Variants in ALDH1A3 observed in about 807,000 individuals in gnomAD.
The protein encoded by ALDH1A3 is retinaldehyde dehydrogenase 3.
In ALDH1A3, 28 loss-of-function variants were observed where a neutral mutation model predicts 57.5. The observed-to-expected ratio is 0.49, with a 90% confidence interval of 0.36 to 0.67. The LOEUF (loss-of-function observed/expected upper bound fraction) is 0.67, where lower values mean the gene tolerates loss of function less well. Among genes scored for constraint, ALDH1A3 ranks in the 30% least tolerant of loss-of-function variants. The pLI is 0.00. For missense variants in ALDH1A3, 507 were observed against 669.4 expected (o/e 0.76, Z 2.68); for synonymous variants, 281 against 264.8 (o/e 1.06, Z -0.59).
intron 7 of ALDH1A3, 82 bp from the exon 8 acceptor site, chr15:100,898,001 A>G (rs1156786025): frequency 1.4e-6 from 2 of 1,379,788 alleles, no homozygotes; most frequent in East Asian, 4.6e-5. Flanking sequence ...CCCGGGCTTG[A>G]TCAGAATGTT....
At chr15:100,910,283 C>G (rs2041870156) in intron 12 of ALDH1A3, among the ~76,000 whole-genome samples, 1 of 152,230 alleles carries the variant, frequency 6.6e-6, no homozygotes, top group Non-Finnish European at 1.5e-5. Context: ...GGCCATGAAA[C>G]CCCTTTGCAG....
intron 10 of ALDH1A3, 61 bp downstream of exon 10, chr15:100,905,748 TA>T: frequency 6.9e-7 from 1 of 1,446,702 alleles, no homozygotes; most frequent in Non-Finnish European, 9.2e-7. Flanking sequence ...AGTCCTTCCC[TA>T]GGGCCCAGGG....
Position 100,907,861 on chromosome 15 carries a change from T to TA in ALDH1A3, c.1392-547_1392-546insA, listed in dbSNP as rs1258023960. The stretch of plus-strand genomic sequence containing the variant: ...CTTTCTTTCTTTTTTTTTTTTTTTT[T>TA]TTTTTGAGATGGAGTCTTGCTCTTT... On this transcript the variant is annotated intron_variant, in intron 11 of 12. Coordinates refer to ENST00000329841, the MANE Select transcript of ALDH1A3 (RefSeq NM_000693.4). Among the ~76,000 whole-genome samples the TA allele has an allele frequency of 2.1e-5, 3 of 142,458 alleles. No homozygotes were observed. The Admixed American group carries it at 2.1e-4, about 10-fold the overall frequency. 93.5% of individuals were successfully genotyped at this position (142,458 alleles called of 152,430 possible).
Position 100,882,476 on chromosome 15 carries a change from A to G in ALDH1A3, c.99+2470A>G, listed in dbSNP as rs75862898. ...GTTTTTATTATCTCTCTTATGAAAA[A>G]TAAAATTCCCCCAAATCTCCTTTTC... On this transcript the variant is annotated intron_variant, in intron 1 of 12. Transcript: ENST00000329841. Among the ~76,000 whole-genome samples, 233 of 152,352 alleles carry G rather than the reference A, an allele frequency of 1.5e-3. 7 individuals are homozygous for G. The East Asian group carries it at 0.043, about 28-fold the overall frequency.
At chr15:100,890,995 C>T (rs898572320) in intron 3 of ALDH1A3, among the ~76,000 whole-genome samples, 1 of 152,214 alleles carries the variant, frequency 6.6e-6, no homozygotes, top group Admixed American at 6.5e-5. Flanking sequence ...AGAACACACA[C>T]CCCAAGCTAG....
In ALDH1A3 at chr15:100,893,687, C is replaced by A. The variant is rs185047601; in HGVS notation, c.538-267C>A. The A allele has an allele frequency of 3.2e-4, 109 of 343,770 alleles. 1 individual carries two copies. The highest frequency in any genetic ancestry group is 3.2e-5 in the Non-Finnish European group (6 of 190,044). The allele number at this position is 343,770 out of a possible 1,614,324, so 21.3% of individuals were successfully genotyped here. A position where few individuals can be genotyped will look rare whatever the true frequency, so the allele number is the denominator to read the frequency against. Reference sequence around the variant, plus strand: ...GCCCATGGAGGCAGGGAGGAGGACACGTCTTCAGCAGATGTTTTAGAGGGA... The same window carrying A: ...GCCCATGGAGGCAGGGAGGAGGACAAGTCTTCAGCAGATGTTTTAGAGGGA... On this transcript the variant is annotated intron_variant, in intron 5 of 12. Coordinates refer to ENST00000329841, the MANE Select transcript of ALDH1A3 (RefSeq NM_000693.4). The surrounding 1 kb of genome is among the most constrained non-coding windows in gnomAD (Gnocchi z 4.8).
chr15:100,900,248 A>T (rs532634168), intron 8 of ALDH1A3, among the ~76,000 whole-genome samples: 1 of 152,356 alleles, frequency 6.6e-6, no homozygotes, highest in South Asian at 2.1e-4. Context: ...GTCCTCTAGA[A>T]AAAGGGGAGG....
intron 2 of ALDH1A3, among the ~76,000 whole-genome samples, chr15:100,886,684 G>T (rs1416417666): frequency 6.6e-6 from 1 of 152,196 alleles, no homozygotes; most frequent in African/African-American, 2.4e-5. Flanking sequence ...CTGAGAAAAA[G>T]AGACAGTGAC....
chr15:100,914,645 A>C, intron 12 of ALDH1A3, 56 bp from the exon 13 acceptor site: 6 of 1,543,856 alleles, frequency 3.9e-6, no homozygotes, highest in Admixed American at 3.5e-5. Flanking sequence ...AACAGTTTCT[A>C]CACAATGGCT....
At chr15:100,900,128 T>C (rs993936150) in intron 8 of ALDH1A3, among the ~76,000 whole-genome samples, 10 of 152,228 alleles carry the variant, frequency 6.6e-5, no homozygotes, top group African/African-American at 2.4e-4. Flanking sequence ...GATATTATCT[T>C]ACTTAATAAG....
Position 100,894,155 on chromosome 15 carries a change from C to T in ALDH1A3, c.666+73C>T, listed in dbSNP as rs570017504. On this transcript the variant is annotated intron_variant, in intron 6 of 12. Transcript: ENST00000329841. This position sits in a 1 kb window ranked among gnomAD's most constrained non-coding sequence, Gnocchi z 4.5. ...ACTCCTAGGAACCAGGCCACCGTCA[C>T]GAGATGGGACAGTGGCAGACTGCTG... 1.2e-4 allele frequency: 191 copies of T among 1,560,126 alleles called. No homozygotes were observed. The highest frequency in any genetic ancestry group is 4.9e-4 in the South Asian group (41 of 83,818).
chr15:100,914,949 C>A lies in ALDH1A3; in HGVS notation c.*176C>A. On this transcript the variant is annotated 3_prime_UTR_variant, in exon 13 of 13. Transcript: ENST00000329841. Reference sequence around the variant, plus strand: ...CTCACTCTCCTGTTTATTCACCAGACTGGGGATGCCTATAGGTTGTCTGTG... The same window carrying A: ...CTCACTCTCCTGTTTATTCACCAGAATGGGGATGCCTATAGGTTGTCTGTG... The A allele has an allele frequency of 9.5e-6, 6 of 630,210 alleles. No homozygotes were observed. The South Asian group carries it at 1.2e-4, about 12-fold the overall frequency. The allele number at this position is 630,210 out of a possible 1,614,324, so 39.0% of individuals were successfully genotyped here.
At position 100,907,552 on chromosome 15, in the gene ALDH1A3, T is replaced by G. The variant is rs4646685; in HGVS notation, c.1391+274T>G. On this transcript the variant is annotated intron_variant, in intron 11 of 12. Coordinates refer to ENST00000329841, the MANE Select transcript of ALDH1A3 (RefSeq NM_000693.4). Reference sequence around the variant, plus strand: ...CCGAGAGGGCTCCAGTACCTGTGCCTGTGGCCCCTGTGCTGTACTGCCCCT... The same window carrying G: ...CCGAGAGGGCTCCAGTACCTGTGCCGGTGGCCCCTGTGCTGTACTGCCCCT... Among the ~76,000 whole-genome samples the G allele has an allele frequency of 0.53, 81,229 of 152,000 alleles. 22,174 individuals carry two copies. The highest frequency in any genetic ancestry group is 0.72 in the South Asian group (3,454 of 4,804).
At chr15:100,908,099 T>G (rs2041843639) in intron 11 of ALDH1A3, among the ~76,000 whole-genome samples, 1 of 152,150 alleles carries the variant, frequency 6.6e-6, no homozygotes, top group Non-Finnish European at 1.5e-5. Context: ...TCCATCCATC[T>G]CAGCCTCCCG....
rs3803426 is a variant in ALDH1A3, at chr15:100,914,981, C to T, written c.*208C>T. The T allele has an allele frequency of 0.042, 24,008 of 571,442 alleles. 904 individuals carry two copies. Among genetic ancestry groups the T allele is most frequent in the African/African-American group, 0.14 (7,575 of 53,474 alleles). 35.4% of individuals were successfully genotyped at this position (571,442 alleles called of 1,614,324 possible). A position where few individuals can be genotyped will look rare whatever the true frequency, so the allele number is the denominator to read the frequency against. On this transcript the variant is annotated 3_prime_UTR_variant, in exon 13 of 13. Transcript: ENST00000329841. ...TGCCTATAGGTTGTCTGTGAAATCG[C>T]AGTCCTGCCTGGGGAGGGAGCTGTT...
In ALDH1A3 at chr15:100,906,577, A is replaced by T. The variant is rs1427610028; in HGVS notation, c.1234-544A>T. On this transcript the variant is annotated intron_variant, in intron 10 of 12. Coordinates refer to ENST00000329841, the MANE Select transcript of ALDH1A3 (RefSeq NM_000693.4). The surrounding 1 kb of genome is among the most constrained non-coding windows in gnomAD (Gnocchi z 4.8). ...TCAATTACAAGCTCCCTTCAAAATC[A>T]CCTTTAAATGTTCAAGCCTTAGTTC... 1.3e-5 allele frequency among the ~76,000 whole-genome samples: 2 copies of T among 152,212 alleles called. No homozygotes were observed. The highest frequency in any genetic ancestry group is 2.9e-5 in the Non-Finnish European group (2 of 68,042).
chr15:100,892,757 C>A, intron 4 of ALDH1A3, 118 bp downstream of exon 4: 1 of 1,417,080 alleles, frequency 7.1e-7, no homozygotes, highest in Non-Finnish European at 9.6e-7. Context: ...ACTCCCTCTC[C>A]AAATGGTACT....
At position 100,887,912 on chromosome 15, in the gene ALDH1A3, A is replaced by G. The variant is rs2041612979; in HGVS notation, c.345+200A>G. Among the ~76,000 whole-genome samples, 1 of 152,042 alleles carries G rather than the reference A, an allele frequency of 6.6e-6. No homozygotes were observed. Among genetic ancestry groups the G allele is most frequent in the Non-Finnish European group, 1.5e-5 (1 of 68,014 alleles). On this transcript the variant is annotated intron_variant, in intron 3 of 12. Transcript: ENST00000329841. The surrounding 1 kb of genome is among the most constrained non-coding windows in gnomAD (Gnocchi z 4.6). Reference sequence around the variant, plus strand: ...TGAATCCCTTTCATTTTGAAGTCAGACTTTTGTCCTCTGCAGCTCAGCTTC... The same window carrying G: ...TGAATCCCTTTCATTTTGAAGTCAGGCTTTTGTCCTCTGCAGCTCAGCTTC...
At chr15:100,912,892 C>T (rs1467103899) in intron 12 of ALDH1A3, among the ~76,000 whole-genome samples, 2 of 29,410 alleles carry the variant, frequency 6.8e-5, no homozygotes, top group Non-Finnish European at 1.5e-4. Flanking sequence ...GGCGCGGTGG[C>T]TCACGCCTGT....
Sources: allele counts gnomAD v4.1 joint callset (sites outside exome capture counted in the v4.1 genomes callset), GRCh38; gene constraint gnomAD v4.1.1; non-coding constraint Gnocchi (gnomAD v3.1); transcripts MANE v1.5; gene names NCBI Gene and HGNC (gene_info 2026-07-23, HGNC 2026-07-21).